Variants in G3BP2 observed in about 807,000 individuals in gnomAD.
G3BP2 encodes G3BP stress granule assembly factor 2, also known as ras GTPase-activating protein-binding protein 2.
A neutral mutation model predicts 56.7 loss-of-function variants in G3BP2; 11 were observed. The ratio of observed to expected loss-of-function variants is 0.19; its 90% CI spans 0.12 to 0.32. G3BP2 has a LOEUF of 0.32. Ranked by LOEUF, G3BP2 falls within the 10% of genes least tolerant of loss-of-function variation. The pLI, the probability that G3BP2 is intolerant of heterozygous loss-of-function variation, is 1.00. For missense variants in G3BP2, 340 were observed against 610.9 expected, an observed-to-expected ratio of 0.56 and a Z score of 4.67; for synonymous variants, 165 against 191.6, an observed-to-expected ratio of 0.86 and a Z score of 1.15.
At chr4:75,713,655 G>A (rs2149111813) in intron 3 of G3BP2, among the ~76,000 whole-genome samples, 1 of 152,252 alleles carries the variant, frequency 6.6e-6, no homozygotes, top group East Asian at 1.9e-4. Context: ...CAGGCATGTT[G>A]ACAAGTGCCT....
At chr4:75,676,284 G>A (rs549123261), upstream of G3BP2, among the ~76,000 whole-genome samples, 1 of 151,672 alleles carries the variant, frequency 6.6e-6, no homozygotes, top group African/African-American at 2.4e-5. Flanking sequence ...CGGTGGCTCA[G>A]GCCAAAAACC....
At chr4:75,676,513 T>C (rs1241520428), upstream of G3BP2, among the ~76,000 whole-genome samples, 8 of 152,112 alleles carry the variant, frequency 5.3e-5, no homozygotes, top group Admixed American at 5.2e-4. Flanking sequence ...CATCTAATTT[T>C]TCTATTTTTA....
At chr4:75,690,510 T>G (rs546725250) in intron 3 of G3BP2, among the ~76,000 whole-genome samples, 2 of 152,134 alleles carry the variant, frequency 1.3e-5, no homozygotes, top group East Asian at 3.9e-4. Flanking sequence ...AGTTGTTGCT[T>G]AAGGGCTGGG....
intron 2 of G3BP2, among the ~76,000 whole-genome samples, chr4:75,660,913 A>G (rs536486222): frequency 1.3e-5 from 2 of 152,340 alleles, no homozygotes; most frequent in South Asian, 4.1e-4. Context: ...TCTGGAAAAA[A>G]CAAGCCTACA....
chr4:75,721,381 G>C (rs1720172377), intron 2 of G3BP2, among the ~76,000 whole-genome samples: 3 of 151,886 alleles, frequency 2.0e-5, no homozygotes, highest in African/African-American at 7.3e-5. Context: ...AAGTAAGTGG[G>C]ACTACTGGCT....
intron 3 of G3BP2, among the ~76,000 whole-genome samples, chr4:75,703,780 C>T (rs1719436153): frequency 6.6e-6 from 1 of 152,106 alleles, no homozygotes; most frequent in Non-Finnish European, 1.5e-5. Flanking sequence ...CTGAGCTTAC[C>T]TTTCATTCAT....
At chr4:75,720,022 C>CCTTTTTTTTTTTT (rs1720094202) in intron 3 of G3BP2, among the ~76,000 whole-genome samples, 1 of 97,320 alleles carries the variant, frequency 1.0e-5, no homozygotes, top group Non-Finnish European at 1.9e-5. Context: ...GCCCAGAACC[C>CCTTTTTTTTTTTT]TTTTTTTTTT....
intron 8 of G3BP2, among the ~76,000 whole-genome samples, chr4:75,651,075 A>G (rs983286004): frequency 2.0e-5 from 3 of 152,234 alleles, no homozygotes; most frequent in Non-Finnish European, 4.4e-5. Context: ...ATTCTATATA[A>G]TAATTTGATG....
At position 75,643,337 on chromosome 4, in the gene G3BP2, A is replaced by T. The variant is rs1057306486; in HGVS notation, c.*2093T>A. On this transcript the variant is annotated 3_prime_UTR_variant, in exon 12 of 12. Coordinates refer to ENST00000359707, the MANE Select transcript of G3BP2 (RefSeq NM_203505.3). Reference sequence around the variant, plus strand: ...TATATGGAAACAGAAATACAAGAAAATATGCTTGGGGGAAAAAAAACATTG... The same window carrying T: ...TATATGGAAACAGAAATACAAGAAATTATGCTTGGGGGAAAAAAAACATTG... 5 of 145,750 alleles carry T rather than the reference A, an allele frequency of 3.4e-5. No homozygotes were observed. Among genetic ancestry groups the T allele is most frequent in the African/African-American group, 1.3e-4 (5 of 39,116 alleles). 9.0% of individuals were successfully genotyped at this position (145,750 alleles called of 1,614,324 possible).
rs150232414 is a variant in G3BP2, at chr4:75,684,532, T to C, written c.-24-22483A>G. On this transcript the variant is annotated intron_variant, in intron 3 of 3. Transcript: ENST00000499709. ...AATGTTGCTCTAAACTAGAAGTTTT[T>C]TGTTTTTGTTTTTGACAGAGTCTGG... is the stretch of plus-strand genomic sequence containing the variant. Among the ~76,000 whole-genome samples the C allele has an allele frequency of 2.0e-3, 309 of 152,304 alleles. 2 individuals carry two copies. The highest frequency in any genetic ancestry group is 3.5e-3 in the Non-Finnish European group (237 of 68,034).
chr4:75,652,063 G>A (rs1298874734), intron 8 of G3BP2, among the ~76,000 whole-genome samples: 1 of 152,134 alleles, frequency 6.6e-6, no homozygotes. Flanking sequence ...TTTAAGTATA[G>A]CCTAAAGACA....
rs1163380101 is a variant in G3BP2, at chr4:75,645,554, C to A, written c.1325G>T (p.Gly442Val). The change falls in exon 12 of 12, where the codon GGT becomes GTT. Residue 442 changes from glycine (G) to valine (V), a missense_variant. Coordinates refer to ENST00000359707, the MANE Select transcript of G3BP2 (RefSeq NM_203505.3). ...RGPGGPRGIV[G>V]GGMMRDRDGR... ...ATCACGATCACGCATCATTCCACCA[C>A]CCACAATTCCACGTGGACCACCGGG... 3 of 1,613,952 alleles carry A rather than the reference C, an allele frequency of 1.9e-6. No homozygotes were observed. Among genetic ancestry groups the A allele is most frequent in the Non-Finnish European group, 2.5e-6 (3 of 1,179,996 alleles).
chr4:75,654,984 T>A, intron 7 of G3BP2, 82 bp downstream of exon 7: 2 of 856,132 alleles, frequency 2.3e-6, no homozygotes, highest in Non-Finnish European at 3.7e-6. Context: ...CAATTTAACA[T>A]AATAGAAAAA....
intron 9 of G3BP2, 76 bp from the exon 10 acceptor site, chr4:75,647,233 CA>C: frequency 2.1e-6 from 2 of 940,032 alleles, no homozygotes; most frequent in Non-Finnish European, 3.1e-6. Flanking sequence ...ATGTAAAAAT[CA>C]CTTAATATTG....
intron 3 of G3BP2, among the ~76,000 whole-genome samples, chr4:75,708,884 G>C (rs1719647848): frequency 6.6e-6 from 1 of 152,218 alleles, no homozygotes; most frequent in African/African-American, 2.4e-5. Flanking sequence ...GCCAAGGCAG[G>C]AGGACTGCTT....
chr4:75,711,776 T>A (rs932137990), intron 3 of G3BP2, among the ~76,000 whole-genome samples: 1 of 151,722 alleles, frequency 6.6e-6, no homozygotes, highest in South Asian at 2.1e-4. Context: ...GAGAAAGAGA[T>A]GGTACCAAAG....
upstream of G3BP2, among the ~76,000 whole-genome samples, chr4:75,676,873 T>C (rs1733895245): frequency 6.6e-6 from 1 of 152,188 alleles, no homozygotes; most frequent in South Asian, 2.1e-4. Context: ...CTACCTGATC[T>C]AGTCCTTACC....
At chr4:75,652,834 A>G (rs1055395390) in intron 8 of G3BP2, among the ~76,000 whole-genome samples, 1 of 152,240 alleles carries the variant, frequency 6.6e-6, no homozygotes, top group Non-Finnish European at 1.5e-5. Context: ...TGCTTCACAC[A>G]ATGCTTGGCG....
rs115512821 is a variant in G3BP2 at position 75,647,390 on chromosome 4, C to A, written c.929-233G>T. Among the ~76,000 whole-genome samples, 1,265 of 152,286 alleles carry A rather than the reference C, an allele frequency of 8.3e-3. 15 individuals carry two copies. The highest frequency in any genetic ancestry group is 0.028 in the African/African-American group (1,178 of 41,560). On this transcript the variant is annotated intron_variant, in intron 9 of 11. Transcript: ENST00000359707. ...GTTGCTAAAATAGCTTCTTCTAGAT[C>A]TACTGGATTATACAAAAATCAAATA...
Sources: gnomAD v4.1 joint callset for allele counts (sites outside exome capture counted in the v4.1 genomes callset) on GRCh38, gnomAD v4.1.1 for gene constraint, MANE v1.5 for transcripts, NCBI Gene and HGNC (gene_info 2026-07-23, HGNC 2026-07-21) for gene names.